The following CNTNAP3B variants were observed in gnomAD, a reference collection of about 807,000 sequenced individuals.
The protein encoded by CNTNAP3B is contactin associated protein family member 3B.
A neutral mutation model predicts 108.9 loss-of-function variants in CNTNAP3B; 25 were observed. The ratio of observed to expected loss-of-function variants is 0.23; its 90% confidence interval spans 0.17 to 0.32. The LOEUF is 0.32. Among genes scored for constraint, CNTNAP3B ranks in the 10% least tolerant of loss-of-function variants. The pLI is 1.00. For missense variants in CNTNAP3B, 252 were observed against 1,210.4 expected, an observed-to-expected ratio of 0.21 and a Z score of 11.75; for synonymous variants, 103 against 473.4, an observed-to-expected ratio of 0.22 and a Z score of 10.16.
At chr9:42,030,812 A>AT (rs1564177936) in intron 3 of CNTNAP3B, among the ~76,000 whole-genome samples, 26 of 44,342 alleles carry the variant, frequency 5.9e-4, no homozygotes, top group East Asian at 4.9e-3. Flanking sequence ...AGAGAGAGAG[A>AT]GGAGAGAGAG....
chr9:42,113,840 G>A (rs1258802735), intron 1 of CNTNAP3B, among the ~76,000 whole-genome samples: 2 of 139,040 alleles, frequency 1.4e-5, no homozygotes, highest in Non-Finnish European at 3.1e-5. Context: ...TGAGGGGATG[G>A]ATACTCCATT....
intron 13 of CNTNAP3B, among the ~76,000 whole-genome samples, chr9:41,950,724 G>C (rs1255644896): frequency 1.4e-5 from 2 of 146,500 alleles, no homozygotes; most frequent in South Asian, 4.3e-4. Flanking sequence ...TTATTAACGA[G>C]CAATAGAGCA....
At chr9:41,943,850 AC>A (rs1476379193) in intron 13 of CNTNAP3B, among the ~76,000 whole-genome samples, 1 of 152,294 alleles carries the variant, frequency 6.6e-6, no homozygotes, top group Non-Finnish European at 1.5e-5. Context: ...AAAAAACCAC[AC>A]CTAGGCATCT....
intron 9 of CNTNAP3B, among the ~76,000 whole-genome samples, chr9:41,973,282 T>G (rs1458525808): frequency 7.1e-5 from 9 of 126,834 alleles, no homozygotes. Flanking sequence ...TCGATAACTC[T>G]GTTAGAAAAA....
rs1464849597 is a variant in CNTNAP3B, at chr9:42,080,193, C to T, written c.197-3131G>A. ...GGGAGCCACTAGCCATCCCTCTTCT[C>T]GGCATCCCTCACAGTTTGTTAGTTT... On this transcript the variant is annotated intron_variant, in intron 2 of 23. Coordinates refer to ENST00000377561, the MANE Select transcript of CNTNAP3B (RefSeq NM_001201380.3). Among the ~76,000 whole-genome samples, 3 of 137,566 alleles carry T rather than the reference C, an allele frequency of 2.2e-5. 1 individual carries two copies. Among genetic ancestry groups the T allele is most frequent in the Non-Finnish European group, 4.6e-5 (3 of 64,544 alleles). The allele number at this position is 137,566 out of a possible 152,430, so 90.2% of individuals were successfully genotyped here. A position where few individuals can be genotyped will look rare whatever the true frequency, so the allele number is the denominator to read the frequency against.
chr9:42,118,400 A>AT (rs1159363324), intron 1 of CNTNAP3B, among the ~76,000 whole-genome samples: 1 of 139,806 alleles, frequency 7.2e-6, no homozygotes, highest in Non-Finnish European at 1.5e-5. Context: ...GTAATCCAGC[A>AT]TATAAACAGA....
intron 10 of CNTNAP3B, among the ~76,000 whole-genome samples, chr9:41,966,764 G>A (rs140421135): frequency 0.12 from 17,935 of 145,100 alleles, 123 homozygotes; most frequent in Middle Eastern, 0.19. Flanking sequence ...TCAGGAGATC[G>A]AGACCATCCT....
intron 11 of CNTNAP3B, among the ~76,000 whole-genome samples, chr9:41,961,888 A>C (rs1825104199): frequency 6.6e-6 from 1 of 152,304 alleles, no homozygotes; most frequent in African/African-American, 2.4e-5. Flanking sequence ...GGAGATGGAC[A>C]TTGCTAATCT....
intron 12 of CNTNAP3B, among the ~76,000 whole-genome samples, chr9:41,958,052 G>A (rs1430391379): frequency 3.1e-3 from 468 of 150,986 alleles, no homozygotes; most frequent in African/African-American, 0.011. Flanking sequence ...GTGAGCCACC[G>A]TCTGTTTTTA....
At position 41,979,943 on chromosome 9, in the gene CNTNAP3B, C is replaced by G. The variant is rs576324978; in HGVS notation, c.1477+6225G>C. On this transcript the variant is annotated intron_variant, in intron 9 of 23. Transcript: ENST00000377561. ...TATTCTCAGGGTGTGTTTGAGGAAA[C>G]CTTTTTTTTTTTTTTTTTTTTTTTT... 11 of 93,096 alleles carry G rather than the reference C, an allele frequency of 1.2e-4. No homozygotes were observed. In the East Asian group the frequency reaches 1.9e-3, roughly 16 times the overall value. 5.8% of individuals were successfully genotyped at this position (93,096 alleles called of 1,614,324 possible). A position where few individuals can be genotyped will look rare whatever the true frequency, so the allele number is the denominator to read the frequency against.
At chr9:41,932,751 T>A (rs1824019077) in intron 14 of CNTNAP3B, among the ~76,000 whole-genome samples, 1 of 151,794 alleles carries the variant, frequency 6.6e-6, no homozygotes, top group Non-Finnish European at 1.5e-5. Flanking sequence ...AACTTCTGAC[T>A]TCATGATCTG....
rs895099198 is a variant in CNTNAP3B at position 42,098,924 on chromosome 9, C to G, written c.196+5705G>C. Among the ~76,000 whole-genome samples, 15 of 133,384 alleles carry G rather than the reference C, an allele frequency of 1.1e-4. 1 individual carries two copies. Among genetic ancestry groups the G allele is most frequent in the Non-Finnish European group, 2.1e-4 (13 of 63,252 alleles). 87.5% of individuals were successfully genotyped at this position (133,384 alleles called of 152,430 possible). On this transcript the variant is annotated intron_variant, in intron 2 of 23. Coordinates refer to ENST00000377561, the MANE Select transcript of CNTNAP3B (RefSeq NM_001201380.3). Reference sequence around the variant, plus strand: ...TGTTCTGTGGAGCCACACAGGCAGCCTGATACCTGGGCAAATGCTTACCTG... The same window carrying G: ...TGTTCTGTGGAGCCACACAGGCAGCGTGATACCTGGGCAAATGCTTACCTG...
At chr9:42,125,141 CA>C (rs1828539083) in intron 1 of CNTNAP3B, among the ~76,000 whole-genome samples, 1 of 136,006 alleles carries the variant, frequency 7.4e-6, no homozygotes, top group Non-Finnish European at 1.6e-5. Context: ...TCATCACAGT[CA>C]TCATGGATAA....
rs879282328 is a variant in CNTNAP3B, at chr9:42,096,919, CT to C, written c.196+7709del. On this transcript the variant is annotated intron_variant, in intron 2 of 23. Transcript: ENST00000377561. ...CCTAGTCCGTAACAGTGGCATGAAA[CT>C]TTTTTTTTTTTTAATAGAGACAGGG... Among the ~76,000 whole-genome samples, 221 of 111,736 alleles carry C rather than the reference CT, an allele frequency of 2.0e-3. 7 individuals carry two copies. The highest frequency in any genetic ancestry group is 2.3e-3 in the Admixed American group (25 of 11,064). 73.3% of individuals were successfully genotyped at this position (111,736 alleles called of 152,430 possible).
At chr9:41,951,936 G>A (rs1587137386) in intron 13 of CNTNAP3B, among the ~76,000 whole-genome samples, 2 of 152,364 alleles carry the variant, frequency 1.3e-5, no homozygotes, top group South Asian at 4.1e-4. Context: ...AATTAGCCGG[G>A]CGTGGCGGCA....
chr9:42,090,580 T>TAC (rs955657455), intron 2 of CNTNAP3B, among the ~76,000 whole-genome samples: 3 of 133,512 alleles, frequency 2.2e-5, no homozygotes, highest in East Asian at 2.3e-4. Flanking sequence ...TATGTCAGTA[T>TAC]ACATACATAT....
rs1423223329 is a variant in CNTNAP3B at position 42,021,792 on chromosome 9, C to T, written c.391-8267G>A. Among the ~76,000 whole-genome samples, 2 of 133,072 alleles carry T rather than the reference C, an allele frequency of 1.5e-5. 1 individual carries two copies. The highest frequency in any genetic ancestry group is 4.6e-4 in the East Asian group (2 of 4,388). The allele number at this position is 133,072 out of a possible 152,430, so 87.3% of individuals were successfully genotyped here. On this transcript the variant is annotated intron_variant, in intron 3 of 23. Coordinates refer to ENST00000377561, the MANE Select transcript of CNTNAP3B (RefSeq NM_001201380.3). ...CATGAGGCACATGGAAGTTCAATGTCCTAGGGTCAAAGCTGAGCTCTGAAA... is the reference window on the plus strand; with the variant it reads ...CATGAGGCACATGGAAGTTCAATGTTCTAGGGTCAAAGCTGAGCTCTGAAA...
chr9:41,942,162 C>T (rs1434017514), intron 13 of CNTNAP3B, among the ~76,000 whole-genome samples: 1 of 152,280 alleles, frequency 6.6e-6, no homozygotes, highest in Admixed American at 6.5e-5. Flanking sequence ...CTCTAAAAGA[C>T]TGACCTAATC....
At chr9:41,964,411 T>C (rs1825201009) in intron 11 of CNTNAP3B, 127 bp downstream of exon 11, 1 of 1,433,848 alleles carries the variant, frequency 7.0e-7, no homozygotes, top group African/African-American at 1.4e-5. Flanking sequence ...AAACTAGAAA[T>C]TGAGTGCTGA....
Sources: gnomAD v4.1 joint callset for allele counts (sites outside exome capture counted in the v4.1 genomes callset) on GRCh38, gnomAD v4.1.1 for gene constraint, MANE v1.5 for transcripts, NCBI Gene and HGNC (gene_info 2026-07-23, HGNC 2026-07-21) for gene names.